Variants in FAT3 observed in about 807,000 individuals in gnomAD.
FAT3 encodes the protein FAT atypical cadherin 3, also known as protocadherin Fat 3.
In FAT3, 95 loss-of-function variants were observed where a neutral mutation model predicts 310.2. That is an observed-to-expected ratio of 0.31 (90% CI 0.26 to 0.36). FAT3 has a LOEUF of 0.36. FAT3 is among the 10% of genes least tolerant of loss of function. FAT3 has a pLI of 1.00. For missense variants in FAT3, 5,408 were observed against 5,715.6 expected, an observed-to-expected ratio of 0.95 and a Z score of 1.74; for synonymous variants, 2,314 against 2,192.9, an observed-to-expected ratio of 1.06 and a Z score of -1.54.
chr11:92,409,261 C>CGTGT (rs36122158), intron 2 of FAT3, among the ~76,000 whole-genome samples: 1 of 149,902 alleles, frequency 6.7e-6, no homozygotes, highest in Non-Finnish European at 1.5e-5. Flanking sequence ...GTGTGTGTGT[C>CGTGT]GTGTGTGTGT....
intron 9 of FAT3, among the ~76,000 whole-genome samples, chr11:92,795,762 G>A (rs1171311682): frequency 2.0e-5 from 3 of 152,054 alleles, no homozygotes; most frequent in Non-Finnish European, 4.4e-5. Flanking sequence ...ATGAAAATTA[G>A]CCAGGTGTAG....
At chr11:92,283,661 C>A (rs1214559452) in intron 1 of FAT3, among the ~76,000 whole-genome samples, 1 of 152,194 alleles carries the variant, frequency 6.6e-6, no homozygotes, top group Non-Finnish European at 1.5e-5. Context: ...TGTCTTACCC[C>A]TTCTCAGTGA....
intron 3 of FAT3, among the ~76,000 whole-genome samples, chr11:92,541,750 T>G (rs1203625114): frequency 6.6e-6 from 1 of 152,112 alleles, no homozygotes; most frequent in Non-Finnish European, 1.5e-5. Flanking sequence ...CATTTTATTA[T>G]GTTTGATTTT....
At chr11:92,366,328 G>A (rs1186952419) in intron 2 of FAT3, among the ~76,000 whole-genome samples, 1 of 152,160 alleles carries the variant, frequency 6.6e-6, no homozygotes, top group Non-Finnish European at 1.5e-5. Flanking sequence ...AGAGGCTACA[G>A]GAGACAAAAT....
intron 3 of FAT3, among the ~76,000 whole-genome samples, chr11:92,679,994 G>C (rs1943427613): frequency 6.6e-6 from 1 of 151,186 alleles, no homozygotes; most frequent in Non-Finnish European, 1.5e-5. Context: ...TGTATATTCT[G>C]AATATTTGTC....
intron 2 of FAT3, among the ~76,000 whole-genome samples, chr11:92,448,489 C>A (rs1321110977): frequency 6.6e-6 from 1 of 152,126 alleles, no homozygotes; most frequent in Non-Finnish European, 1.5e-5. Flanking sequence ...ATCATTCTTA[C>A]TAATCTTTAA....
chr11:92,269,637 C>T (rs1395046159), intron 1 of FAT3, among the ~76,000 whole-genome samples: 3 of 152,098 alleles, frequency 2.0e-5, no homozygotes, highest in Non-Finnish European at 4.4e-5. Context: ...AATAATAAAA[C>T]CGTGCATGTC....
chr11:92,605,619 C>A (rs1940239466), intron 3 of FAT3, among the ~76,000 whole-genome samples: 2 of 149,240 alleles, frequency 1.3e-5, no homozygotes, highest in South Asian at 2.1e-4. Context: ...CTGAGAGGGA[C>A]AAATGGAATA....
intron 4 of FAT3, among the ~76,000 whole-genome samples, chr11:92,698,972 G>A (rs945884927): frequency 2.0e-5 from 3 of 152,176 alleles, no homozygotes; most frequent in Admixed American, 6.5e-5. Context: ...GTCATCAGGA[G>A]GTTTGTGGTG....
In FAT3 at chr11:92,798,599, T is replaced by C. The variant is rs1591747830; in HGVS notation, c.5586T>C (p.Thr1862=). Residue 1862 remains threonine (T), a synonymous_variant, in exon 10 of 28, where the codon ACT becomes ACC. Coordinates refer to ENST00000525166, the MANE Select transcript of FAT3 (RefSeq NM_001367949.2). ...HVRDSGSPQL[T]AESPVEVNIE... ...GAGACAGTGGTAGCCCCCAACTGAC[T>C]GCAGAGAGTCCCGTTGAAGTCAACA... The C allele has an allele frequency of 6.2e-7, 1 of 1,613,872 alleles. No individual in the cohort carries two copies.
At chr11:92,627,422 T>C (rs1267767280) in intron 3 of FAT3, among the ~76,000 whole-genome samples, 1 of 152,152 alleles carries the variant, frequency 6.6e-6, no homozygotes, top group Non-Finnish European at 1.5e-5. Context: ...TAACAGTTCA[T>C]AGAGTGGAAG....
At chr11:92,765,146 T>TA in intron 6 of FAT3, 57 bp downstream of exon 6, 2 of 1,129,288 alleles carry the variant, frequency 1.8e-6, no homozygotes, top group East Asian at 2.9e-5. Context: ...CTGAAGCAAC[T>TA]AGGAAAAAAA....
At chr11:92,468,122 G>T (rs913219931) in intron 2 of FAT3, among the ~76,000 whole-genome samples, 7 of 152,166 alleles carry the variant, frequency 4.6e-5, no homozygotes, top group African/African-American at 1.7e-4. Context: ...GCCAGGTCGG[G>T]TTTAATCATT....
At chr11:92,850,500 G>A (rs1290400009) in intron 19 of FAT3, among the ~76,000 whole-genome samples, 2 of 152,188 alleles carry the variant, frequency 1.3e-5, no homozygotes, top group Non-Finnish European at 2.9e-5. Flanking sequence ...CTCTGCTTCC[G>A]AGAGAACCAT....
intron 4 of FAT3, among the ~76,000 whole-genome samples, chr11:92,704,802 C>T (rs1385042652): frequency 6.6e-6 from 1 of 152,174 alleles, no homozygotes; most frequent in Non-Finnish European, 1.5e-5. Context: ...CCTAGCAGAC[C>T]AGTAAGCAGC....
At chr11:92,458,848 T>C (rs1347855571) in intron 2 of FAT3, among the ~76,000 whole-genome samples, 2 of 152,172 alleles carry the variant, frequency 1.3e-5, no homozygotes, top group East Asian at 3.9e-4. Context: ...TCTCTGATTT[T>C]GTGTCAGAGT....
At chr11:92,583,913 C>T (rs963437686) in intron 3 of FAT3, among the ~76,000 whole-genome samples, 2 of 151,996 alleles carry the variant, frequency 1.3e-5, no homozygotes, top group Non-Finnish European at 2.9e-5. Flanking sequence ...TGGATTGGGG[C>T]ATCTAGGTTA....
intron 3 of FAT3, among the ~76,000 whole-genome samples, chr11:92,606,042 T>C (rs888565011): frequency 6.6e-6 from 1 of 152,150 alleles, no homozygotes; most frequent in Non-Finnish European, 1.5e-5. Context: ...GTTAGGGTAT[T>C]ATAAAGCTTC....
At chr11:92,309,953 G>A (rs1947254106) in intron 1 of FAT3, among the ~76,000 whole-genome samples, 1 of 150,210 alleles carries the variant, frequency 6.7e-6, no homozygotes, top group East Asian at 2.0e-4. Flanking sequence ...AGCTTCTCCT[G>A]TTAGATCTCT....
Sources: gnomAD v4.1 joint callset for allele counts (sites outside exome capture counted in the v4.1 genomes callset) on GRCh38, gnomAD v4.1.1 for gene constraint, MANE v1.5 for transcripts, NCBI Gene and HGNC (gene_info 2026-07-23, HGNC 2026-07-21) for gene names.